The following SUSD6 variants were observed in gnomAD, a reference collection of about 807,000 sequenced individuals.
SUSD6 encodes the protein sushi domain-containing protein 6.
In SUSD6, 16 loss-of-function variants were observed where a neutral mutation model predicts 28.4. The observed-to-expected ratio is 0.56, with a 90% CI of 0.38 to 0.86. SUSD6 has a LOEUF of 0.86. Ranked by LOEUF, SUSD6 falls within the 40% of genes least tolerant of loss-of-function variation. The pLI, the probability that SUSD6 is intolerant of heterozygous loss-of-function variation, is 0.00. For synonymous variants in SUSD6, 147 were observed against 159.6 expected (o/e 0.92, Z 0.59); for missense variants, 341 against 384.2 (o/e 0.89, Z 0.94).
chr14:69,646,818 C>T lies in SUSD6; in HGVS notation c.-80-11695C>T, dbSNP rs567456373. ...CCAGGTTCACACCATTCTCCTGCCT[C>T]AGCCTCCCTAGTAGCTGGGACTACA... On this transcript the variant is annotated intron_variant, in intron 1 of 5. Coordinates refer to ENST00000342745, the MANE Select transcript of SUSD6 (RefSeq NM_014734.4). 8.4e-4 allele frequency among the ~76,000 whole-genome samples: 128 copies of T among 151,798 alleles called. 2 individuals carry two copies. Among genetic ancestry groups the T allele is most frequent in the Admixed American group, 4.3e-3 (66 of 15,244 alleles).
In SUSD6 at chr14:69,703,589, G is replaced by T; in HGVS notation, c.316G>T (p.Glu106Ter). ...CATGGAGATTAGCTGCCGTCTCAAC[G>T]AGGGTCAGTCTGGCAGATGAAAAAG... ...PAMEISCRLN[E>*]DKDTHTSLGV... The change falls in exon 3 of 6, where the codon GAG becomes TAG. Residue 106 changes from glutamate to a stop codon, truncating the protein, a stop_gained. Transcript: ENST00000342745. LOFTEE classifies it high-confidence loss of function. 1 of 1,614,046 alleles carries T rather than the reference G, an allele frequency of 6.2e-7. No homozygotes were observed. The highest frequency in any genetic ancestry group is 8.5e-7 in the Non-Finnish European group (1 of 1,179,924).
At chr14:69,640,401 A>G (rs571103308) in intron 1 of SUSD6, among the ~76,000 whole-genome samples, 1 of 152,134 alleles carries the variant, frequency 6.6e-6, no homozygotes, top group Admixed American at 6.6e-5. Context: ...TAGCACAATC[A>G]TAGCTTACTG....
At chr14:69,680,973 T>C (rs1885989452) in intron 2 of SUSD6, among the ~76,000 whole-genome samples, 1 of 152,342 alleles carries the variant, frequency 6.6e-6, no homozygotes, top group South Asian at 2.1e-4. Flanking sequence ...CCCAAAAGTT[T>C]CCTACCCATA....
At chr14:69,688,947 G>C (rs1274135581) in intron 2 of SUSD6, among the ~76,000 whole-genome samples, 5 of 152,158 alleles carry the variant, frequency 3.3e-5, no homozygotes, top group Non-Finnish European at 5.9e-5. Flanking sequence ...TCTGGCACCA[G>C]CCTGATTTTC....
intron 1 of SUSD6, among the ~76,000 whole-genome samples, chr14:69,635,025 A>C (rs924734216): frequency 6.6e-6 from 1 of 152,226 alleles, no homozygotes; most frequent in Non-Finnish European, 1.5e-5. Context: ...AAATGTCAGC[A>C]GTAGTTTGGT....
rs150619591 is a variant in SUSD6, at chr14:69,618,627, G to A, written c.-81+6799G>A. On this transcript the variant is annotated intron_variant, in intron 1 of 5. Transcript: ENST00000342745. ...CTAGGAACTTGAATTCTCTTCTCTG[G>A]ATTCCTGTATCTGGAGCCAAGGCCA... 1.1e-4 allele frequency among the ~76,000 whole-genome samples: 16 copies of A among 152,318 alleles called. 1 individual carries two copies. In the East Asian group the frequency reaches 2.9e-3, roughly 28 times the overall value.
chr14:69,615,285 G>A (rs1343759654), intron 1 of SUSD6, among the ~76,000 whole-genome samples: 1 of 152,168 alleles, frequency 6.6e-6, no homozygotes, highest in Non-Finnish European at 1.5e-5. Flanking sequence ...GTCCTTGCGC[G>A]TCAAGATCTG....
rs150177710 is a variant in SUSD6, at chr14:69,624,262, C to T, written c.-81+12434C>T. ...TTGTAGCCTAGGCTATGCCATGTAG[C>T]TGAGGTGTATAGTAGGCTATGCCAT... On this transcript the variant is annotated intron_variant, in intron 1 of 5. Transcript: ENST00000342745. 7.2e-4 allele frequency among the ~76,000 whole-genome samples: 109 copies of T among 152,338 alleles called. 3 individuals are homozygous for T. In the East Asian group the frequency reaches 0.012, roughly 17 times the overall value.
chr14:69,710,959 C>T lies in SUSD6; in HGVS notation c.892C>T (p.Pro298Ser). The change falls in exon 6 of 6, where the codon CCA becomes TCA. Residue 298 changes from proline to serine, a missense_variant. Physicochemically the swap from Pro to Ser is moderately conservative, Grantham distance 74. Transcript: ENST00000342745. ...TTCTTCTGGTCTTCCTGCAGATATT[C>T]CACTGTTGAAAGAAGCATGAGGGCA... is the stretch of plus-strand genomic sequence containing the variant. Reference protein sequence around the residue: ...LTSEEYTDDIPLLKEA With the variant: ...LTSEEYTDDISLLKEA 2 of 1,614,058 alleles carry T rather than the reference C, an allele frequency of 1.2e-6. No homozygotes were observed. The highest frequency in any genetic ancestry group is 1.7e-6 in the Non-Finnish European group (2 of 1,179,962).
intron 2 of SUSD6, among the ~76,000 whole-genome samples, chr14:69,673,949 C>T (rs1417183893): frequency 1.3e-5 from 2 of 152,214 alleles, no homozygotes; most frequent in African/African-American, 4.8e-5. Context: ...GCTTCCTCCT[C>T]AGGGTCAGGA....
intron 2 of SUSD6, among the ~76,000 whole-genome samples, chr14:69,672,037 T>C (rs750269615): frequency 3.3e-5 from 5 of 152,230 alleles, no homozygotes; most frequent in Non-Finnish European, 7.3e-5. Context: ...TGGATTATTA[T>C]AATACTATTT....
chr14:69,631,396 G>C (rs561843633), intron 1 of SUSD6, among the ~76,000 whole-genome samples: 114 of 152,274 alleles, frequency 7.5e-4, no homozygotes, highest in Non-Finnish European at 1.1e-3. Context: ...TACCAAGATT[G>C]CATGCTTTTG....
intron 1 of SUSD6, among the ~76,000 whole-genome samples, chr14:69,657,509 T>C (rs1475821219): frequency 6.6e-6 from 1 of 151,830 alleles, no homozygotes; most frequent in East Asian, 1.9e-4. Flanking sequence ...CCCAGGGGCA[T>C]CCTTTATTAG....
intron 2 of SUSD6, among the ~76,000 whole-genome samples, chr14:69,662,788 A>C (rs1221221565): frequency 6.6e-6 from 1 of 152,210 alleles, no homozygotes; most frequent in Non-Finnish European, 1.5e-5. Context: ...ACCTGAGGCA[A>C]ATCACATGAC....
intron 2 of SUSD6, among the ~76,000 whole-genome samples, chr14:69,702,699 T>C (rs551888036): frequency 1.2e-4 from 19 of 152,342 alleles, no homozygotes; most frequent in Admixed American, 4.6e-4. Flanking sequence ...GTCACTTAAC[T>C]TTTGTGGCCC....
intron 2 of SUSD6, among the ~76,000 whole-genome samples, chr14:69,664,762 A>T (rs930463113): frequency 6.6e-6 from 1 of 152,170 alleles, no homozygotes; most frequent in Admixed American, 6.5e-5. Context: ...CTGCTGAGCA[A>T]TGGTGCCCCA....
chr14:69,642,270 G>A (rs1013286955), intron 1 of SUSD6, among the ~76,000 whole-genome samples: 9 of 152,148 alleles, frequency 5.9e-5, no homozygotes, highest in Admixed American at 1.3e-4. Context: ...GGTGAGTCCG[G>A]AATAGCTAAC....
chr14:69,658,856 C>A, intron 2 of SUSD6, 143 bp downstream of exon 2: 1 of 1,062,128 alleles, frequency 9.4e-7, no homozygotes, highest in South Asian at 1.5e-5. Flanking sequence ...GTAAATATAG[C>A]AGGGAGCCAG....
chr14:69,624,857 C>G (rs1254853409), intron 1 of SUSD6, among the ~76,000 whole-genome samples: 1 of 152,116 alleles, frequency 6.6e-6, no homozygotes, highest in African/African-American at 2.4e-5. Context: ...GTGGGGAATT[C>G]TGGATGTGAA....
Sources: allele counts gnomAD v4.1 joint callset (sites outside exome capture counted in the v4.1 genomes callset), GRCh38; gene constraint gnomAD v4.1.1; transcripts MANE v1.5; gene names NCBI Gene and HGNC (gene_info 2026-07-23, HGNC 2026-07-21).